KCNQ3: variants seen among roughly 807,000 people sequenced by gnomAD.
KCNQ3 encodes potassium voltage-gated channel subfamily Q member 3, also known as potassium voltage-gated channel subfamily KQT member 3.
In KCNQ3, 30 loss-of-function variants were observed where a neutral mutation model predicts 92.5. The observed-to-expected ratio is 0.32, with a 90% CI of 0.24 to 0.44. The LOEUF (loss-of-function observed/expected upper bound fraction) is 0.44, where lower values mean the gene tolerates loss of function less well. Ranked by LOEUF, KCNQ3 falls within the 20% of genes least tolerant of loss-of-function variation. KCNQ3 has a pLI of 1.00. For synonymous variants in KCNQ3, 450 were observed against 468.8 expected (o/e 0.96, Z 0.52); for missense variants, 913 against 1,140.3 (o/e 0.80, Z 2.87).
chr8:132,444,414 TCAAGG>T (rs1385437475), intron 1 of KCNQ3, among the ~76,000 whole-genome samples: 1 of 152,172 alleles, frequency 6.6e-6, no homozygotes, highest in Non-Finnish European at 1.5e-5. Flanking sequence ...TATCGTTGAA[TCAAGG>T]ATTTTATTCC....
intron 1 of KCNQ3, among the ~76,000 whole-genome samples, chr8:132,256,998 CT>C (rs1463473936): frequency 2.0e-5 from 3 of 151,950 alleles, no homozygotes; most frequent in Admixed American, 1.3e-4. Flanking sequence ...TTGTTTGTAG[CT>C]TTTTTTCTAT....
At chr8:132,184,425 T>C (rs1423516372) in intron 2 of KCNQ3, 58 bp from the exon 3 acceptor site, 1 of 1,582,502 alleles carries the variant, frequency 6.3e-7, no homozygotes, top group Non-Finnish European at 8.6e-7. Context: ...TGTCGGGAGC[T>C]GGTGATTTCT....
intron 1 of KCNQ3, among the ~76,000 whole-genome samples, chr8:132,242,050 G>A (rs956992576): frequency 3.3e-5 from 5 of 152,110 alleles, no homozygotes; most frequent in South Asian, 2.1e-4. Flanking sequence ...TAACAGCAAC[G>A]AAATTTCTTC....
At chr8:132,245,876 G>C (rs1041485924) in intron 1 of KCNQ3, among the ~76,000 whole-genome samples, 4 of 152,076 alleles carry the variant, frequency 2.6e-5, no homozygotes, top group African/African-American at 7.2e-5. Flanking sequence ...AGTCCTTCGG[G>C]GATAGGATCT....
rs140860946 is a variant in KCNQ3, at chr8:132,168,972, C to G, written c.1235+1362G>C. 1.4e-3 allele frequency among the ~76,000 whole-genome samples: 218 copies of G among 151,992 alleles called. 1 individual carries two copies. The South Asian group carries it at 0.015, about 10-fold the overall frequency. ...GGGTTCTAGGAGTCCAGCACACTACCCATACGCTTAACAATCTGAGCTCAG... is the reference window on the plus strand; with the variant it reads ...GGGTTCTAGGAGTCCAGCACACTACGCATACGCTTAACAATCTGAGCTCAG... On this transcript the variant is annotated intron_variant, in intron 8 of 14. Coordinates refer to ENST00000388996, the MANE Select transcript of KCNQ3 (RefSeq NM_004519.4).
intron 1 of KCNQ3, among the ~76,000 whole-genome samples, chr8:132,187,894 G>A (rs1392103501): frequency 1.2e-4 from 12 of 96,302 alleles, no homozygotes; most frequent in Non-Finnish European, 2.1e-4. Context: ...GGCGGTGGTG[G>A]TGGTGGTGAT....
chr8:132,194,246 G>A (rs1434172423), intron 1 of KCNQ3, among the ~76,000 whole-genome samples: 1 of 152,206 alleles, frequency 6.6e-6, no homozygotes, highest in Non-Finnish European at 1.5e-5. Context: ...AGCTGCACTT[G>A]TCCTAACCCT....
intron 4 of KCNQ3, among the ~76,000 whole-genome samples, chr8:132,176,904 C>T (rs62519580): frequency 0.05 from 7,659 of 152,238 alleles, 312 homozygotes; most frequent in Non-Finnish European, 0.074. Flanking sequence ...ACACATTGTA[C>T]GGGTGTGAGT....
At chr8:132,382,397 A>T (rs1476612837) in intron 1 of KCNQ3, among the ~76,000 whole-genome samples, 1 of 152,088 alleles carries the variant, frequency 6.6e-6, no homozygotes, top group Non-Finnish European at 1.5e-5. Context: ...ATCTCTCACC[A>T]TGCGACATGC....
chr8:132,292,738 G>A (rs1413460453), intron 1 of KCNQ3, among the ~76,000 whole-genome samples: 1 of 152,136 alleles, frequency 6.6e-6, no homozygotes, highest in African/African-American at 2.4e-5. Flanking sequence ...CATAGTCCTT[G>A]TTATAATATT....
Position 132,471,171 on chromosome 8 carries a change from CAGCT to C in KCNQ3, c.386+8972_386+8975del, listed in dbSNP as rs765586515. Among the ~76,000 whole-genome samples the C allele has an allele frequency of 6.1e-4, 93 of 152,266 alleles. 1 individual carries two copies. Among genetic ancestry groups the C allele is most frequent in the South Asian group, 2.1e-3 (10 of 4,822 alleles). On this transcript the variant is annotated intron_variant, in intron 1 of 14. Coordinates refer to ENST00000388996, the MANE Select transcript of KCNQ3 (RefSeq NM_004519.4). ...TTCCCCTGGGAATCTGTCAGAAATG[CAGCT>C]AGCTATCAAGTTCCTGACCCAGGAG...
At chr8:132,478,540 T>C (rs1437384526) in intron 1 of KCNQ3, among the ~76,000 whole-genome samples, 1 of 152,066 alleles carries the variant, frequency 6.6e-6, no homozygotes, top group Non-Finnish European at 1.5e-5. Flanking sequence ...TTTTAATGCT[T>C]TTTTTTCGGC....
intron 1 of KCNQ3, among the ~76,000 whole-genome samples, chr8:132,208,178 C>T (rs1379904666): frequency 6.6e-6 from 1 of 152,122 alleles, no homozygotes; most frequent in African/African-American, 2.4e-5. Context: ...ACAGAGGTGA[C>T]CCAAGAATCA....
chr8:132,235,408 C>T (rs1260332401), intron 1 of KCNQ3, among the ~76,000 whole-genome samples: 1 of 152,090 alleles, frequency 6.6e-6, no homozygotes, highest in Non-Finnish European at 1.5e-5. Context: ...GAGGTTGAGG[C>T]AAGAGAATTG....
intron 1 of KCNQ3, among the ~76,000 whole-genome samples, chr8:132,347,474 C>T (rs181230168): frequency 1.0e-3 from 157 of 152,076 alleles, no homozygotes; most frequent in African/African-American, 3.6e-3. Flanking sequence ...TATTTGCTAG[C>T]GGGGGAGGGA....
chr8:132,376,114 C>T (rs1261255239), intron 1 of KCNQ3, among the ~76,000 whole-genome samples: 2 of 152,156 alleles, frequency 1.3e-5, no homozygotes, highest in Admixed American at 6.5e-5. Context: ...TTTATTTTCT[C>T]TCTACTTAAC....
chr8:132,394,587 A>T (rs1231107036), intron 1 of KCNQ3, among the ~76,000 whole-genome samples: 1 of 152,132 alleles, frequency 6.6e-6, no homozygotes, highest in Non-Finnish European at 1.5e-5. Context: ...TTCAGAGTGA[A>T]ACCTTTGGTA....
intron 1 of KCNQ3, among the ~76,000 whole-genome samples, chr8:132,437,202 C>T (rs1821417439): frequency 6.6e-6 from 1 of 151,646 alleles, no homozygotes; most frequent in African/African-American, 2.4e-5. Context: ...TGGCGTGAAC[C>T]CCAGGGGGCG....
chr8:132,209,652 G>A (rs993589198), intron 1 of KCNQ3, among the ~76,000 whole-genome samples: 11 of 151,974 alleles, frequency 7.2e-5, no homozygotes, highest in African/African-American at 2.7e-4. Flanking sequence ...TTCAGTAGAA[G>A]CCATTCAGTA....
Sources: allele counts gnomAD v4.1 joint callset (sites outside exome capture counted in the v4.1 genomes callset), GRCh38; gene constraint gnomAD v4.1.1; transcripts MANE v1.5; gene names NCBI Gene and HGNC (gene_info 2026-07-23, HGNC 2026-07-21).